Variants in SUCLG2 observed in about 807,000 individuals in gnomAD.
The protein encoded by SUCLG2 is succinate-CoA ligase GDP-forming subunit beta, also known as succinate--CoA ligase [GDP-forming] subunit beta, mitochondrial.
In SUCLG2, 42 loss-of-function variants were observed where a neutral mutation model predicts 47.9. The observed-to-expected ratio is 0.88, with a 90% CI of 0.69 to 1.14. The LOEUF is 1.14. SUCLG2 is among the 50% of genes most tolerant of loss of function. The probability of loss-of-function intolerance (pLI) is 0.00; values close to 1 mark genes in which losing one functional copy is unlikely to be tolerated. For synonymous variants in SUCLG2, 195 were observed against 197.3 expected (o/e 0.99, Z 0.10); for missense variants, 571 against 525.9 (o/e 1.09, Z -0.84).
At chr3:67,515,329 C>T (rs1022306815) in intron 6 of SUCLG2, among the ~76,000 whole-genome samples, 5 of 152,098 alleles carry the variant, frequency 3.3e-5, no homozygotes, top group Admixed American at 3.3e-4. Context: ...AGTCTTGGGA[C>T]GTATCCTCCA....
intron 2 of SUCLG2, among the ~76,000 whole-genome samples, chr3:67,537,447 A>G (rs1338955224): frequency 1.3e-5 from 2 of 151,956 alleles, no homozygotes; most frequent in Non-Finnish European, 2.9e-5. Context: ...TATGTGCCAC[A>G]TTTTCTTTAT....
At chr3:67,453,949 TTG>T (rs1298992916) in intron 9 of SUCLG2, among the ~76,000 whole-genome samples, 1 of 152,146 alleles carries the variant, frequency 6.6e-6, no homozygotes, top group Non-Finnish European at 1.5e-5. Flanking sequence ...GTCGTGCATT[TTG>T]TGTGTGTGTA....
intron 1 of SUCLG2, among the ~76,000 whole-genome samples, chr3:67,625,846 T>C (rs1359220090): frequency 6.6e-6 from 1 of 151,996 alleles, no homozygotes; most frequent in African/African-American, 2.4e-5. Flanking sequence ...TGGACCAAGC[T>C]GTCTAAACCA....
rs1428120530 is a variant in SUCLG2 at position 67,585,422 on chromosome 3, A to G, written c.226+24033T>C. 2.0e-5 allele frequency among the ~76,000 whole-genome samples: 3 copies of G among 152,198 alleles called. No homozygotes were observed. In the East Asian group the frequency reaches 5.8e-4, roughly 29 times the overall value. On this transcript the variant is annotated intron_variant, in intron 2 of 10. Coordinates refer to ENST00000307227, the MANE Select transcript of SUCLG2 (RefSeq NM_003848.4). ...TCCTCTCTGCTCCCTTTGTGCTCCA[A>G]TGGGATAAGGGAACATATAATGAAA...
intron 1 of SUCLG2, among the ~76,000 whole-genome samples, chr3:67,644,975 T>A (rs2107376275): frequency 6.6e-6 from 1 of 152,174 alleles, no homozygotes; most frequent in Admixed American, 6.5e-5. Context: ...GACTCTGAAG[T>A]ATGCAGGAGG....
chr3:67,623,963 A>G (rs2107339618), intron 1 of SUCLG2, among the ~76,000 whole-genome samples: 1 of 152,270 alleles, frequency 6.6e-6, no homozygotes, highest in Non-Finnish European at 1.5e-5. Context: ...GGGCCCTGCT[A>G]CCATCTCCAC....
intron 1 of SUCLG2, among the ~76,000 whole-genome samples, chr3:67,620,872 A>T (rs1246256260): frequency 6.6e-6 from 1 of 152,186 alleles, no homozygotes; most frequent in Non-Finnish European, 1.5e-5. Context: ...CAGATAATGC[A>T]GGTGCTGGTA....
downstream of SUCLG2, among the ~76,000 whole-genome samples, chr3:67,371,662 G>C (rs1340469804): frequency 3.3e-5 from 5 of 152,160 alleles, no homozygotes; most frequent in African/African-American, 1.2e-4. Context: ...CAAAGTATGA[G>C]ATACACAGGG....
intron 1 of SUCLG2, among the ~76,000 whole-genome samples, chr3:67,628,157 A>G (rs1315298419): frequency 6.6e-6 from 1 of 152,254 alleles, no homozygotes; most frequent in East Asian, 1.9e-4. Flanking sequence ...ATAGAAATTT[A>G]GTAAATACTT....
intron 7 of SUCLG2, 57 bp downstream of exon 7, chr3:67,508,750 T>C (rs746391567): frequency 1.4e-5 from 19 of 1,318,194 alleles, no homozygotes; most frequent in East Asian, 2.4e-5. Context: ...CAATTTATAG[T>C]TTGCATAAAT....
chr3:67,407,073 C>T (rs551875799), intron 9 of SUCLG2, among the ~76,000 whole-genome samples: 2 of 152,196 alleles, frequency 1.3e-5, no homozygotes, highest in African/African-American at 4.8e-5. Context: ...TTTTTGAGCC[C>T]GTCTCTGTCA....
chr3:67,447,302 GTCT>G (rs1703949814), intron 9 of SUCLG2, among the ~76,000 whole-genome samples: 1 of 152,128 alleles, frequency 6.6e-6, no homozygotes, highest in Admixed American at 6.5e-5. Context: ...GAGAGGGAAT[GTCT>G]TAACAAGTCA....
intron 10 of SUCLG2, among the ~76,000 whole-genome samples, chr3:67,396,249 G>C (rs1702526330): frequency 6.6e-6 from 1 of 151,922 alleles, no homozygotes; most frequent in South Asian, 2.1e-4. Flanking sequence ...TTTTTGAAAG[G>C]ATCAACAAAA....
intron 2 of SUCLG2, among the ~76,000 whole-genome samples, chr3:67,606,347 G>A (rs2107306951): frequency 1.3e-5 from 2 of 152,328 alleles, no homozygotes; most frequent in South Asian, 4.2e-4. Context: ...ATATCTCAAA[G>A]AGATTAGGTG....
intron 1 of SUCLG2, among the ~76,000 whole-genome samples, chr3:67,614,832 G>T (rs1035189402): frequency 3.3e-5 from 5 of 152,132 alleles, no homozygotes; most frequent in Non-Finnish European, 7.3e-5. Flanking sequence ...GGATCATATA[G>T]TAAGCCAGAG....
chr3:67,599,917 T>A (rs1044336161), intron 2 of SUCLG2, among the ~76,000 whole-genome samples: 2 of 152,224 alleles, frequency 1.3e-5, no homozygotes, highest in Non-Finnish European at 2.9e-5. Flanking sequence ...ATTTCCTGAC[T>A]TTTTTGTCCG....
At chr3:67,618,460 T>C (rs994313999) in intron 1 of SUCLG2, among the ~76,000 whole-genome samples, 2 of 152,190 alleles carry the variant, frequency 1.3e-5, no homozygotes, top group African/African-American at 4.8e-5. Flanking sequence ...AATTTACTTT[T>C]CATCTCATTT....
intron 1 of SUCLG2, among the ~76,000 whole-genome samples, chr3:67,614,750 C>A (rs77961935): frequency 4.0e-3 from 606 of 152,148 alleles, no homozygotes; most frequent in Admixed American, 7.0e-3. Flanking sequence ...TATAAAGGGA[C>A]CACTGGGGTC....
intron 1 of SUCLG2, among the ~76,000 whole-genome samples, chr3:67,638,180 T>C (rs1250945191): frequency 2.0e-5 from 3 of 152,218 alleles, no homozygotes; most frequent in African/African-American, 7.2e-5. Flanking sequence ...TCTCAACCTC[T>C]CTAAGCTTCA....
Sources: allele counts gnomAD v4.1 joint callset (sites outside exome capture counted in the v4.1 genomes callset), GRCh38; gene constraint gnomAD v4.1.1; transcripts MANE v1.5; gene names NCBI Gene and HGNC (gene_info 2026-07-23, HGNC 2026-07-21).